The following ANKRD55 variants were observed in gnomAD, a reference collection of about 807,000 sequenced individuals.
ANKRD55 encodes the protein ankyrin repeat domain 55, also known as ankyrin repeat domain-containing protein 55.
ANKRD55 carries 41 observed loss-of-function variants against 60.6 expected under a neutral mutation model. The ratio of observed to expected loss-of-function variants is 0.68; its 90% CI spans 0.53 to 0.88. The LOEUF is 0.88. ANKRD55 is among the 40% of genes least tolerant of loss of function. The pLI, the probability that ANKRD55 is intolerant of heterozygous loss-of-function variation, is 0.00. For synonymous variants in ANKRD55, 264 were observed against 290.3 expected, an observed-to-expected ratio of 0.91 and a Z score of 0.92; for missense variants, 732 against 767.6, an observed-to-expected ratio of 0.95 and a Z score of 0.55.
chr5:56,178,689 A>G (rs1323107433), intron 3 of ANKRD55, among the ~76,000 whole-genome samples: 1 of 152,156 alleles, frequency 6.6e-6, no homozygotes, highest in Non-Finnish European at 1.5e-5. Context: ...GATAAGAAGT[A>G]TAAAACTTAC....
intron 2 of ANKRD55, among the ~76,000 whole-genome samples, chr5:56,191,805 G>T (rs527478422): frequency 6.6e-6 from 1 of 152,304 alleles, no homozygotes; most frequent in East Asian, 1.9e-4. Context: ...CTAAACCACA[G>T]CACAACAAGG....
intron 2 of ANKRD55, among the ~76,000 whole-genome samples, chr5:56,230,130 T>C (rs1422342594): frequency 6.6e-6 from 1 of 152,172 alleles, no homozygotes; most frequent in Non-Finnish European, 1.5e-5. Flanking sequence ...AGAGTCTTGC[T>C]CTGTCGCCAG....
intron 8 of ANKRD55, 43 bp downstream of exon 8, chr5:56,126,879 G>C: frequency 6.4e-7 from 1 of 1,560,046 alleles, no homozygotes; most frequent in South Asian, 1.2e-5. Flanking sequence ...TCAGTTAGGG[G>C]GAAATGACTA....
At chr5:56,167,921 C>T (rs1469531908) in intron 5 of ANKRD55, among the ~76,000 whole-genome samples, 2 of 152,202 alleles carry the variant, frequency 1.3e-5, no homozygotes, top group African/African-American at 4.8e-5. Context: ...GAGAATGAAC[C>T]TAATCAACTG....
intron 9 of ANKRD55, among the ~76,000 whole-genome samples, chr5:56,112,511 A>AAAAAAAAAACAACAAAAAAAAAAC (rs61268045): frequency 1.2e-5 from 1 of 81,528 alleles, no homozygotes; most frequent in African/African-American, 5.4e-5. Context: ...TAGCAAAAAA[A>AAAAAAAAAACAACAAAAAAAAAAC]AAAAAAAAAA....
chr5:56,120,645 A>G (rs1320452340), intron 8 of ANKRD55, among the ~76,000 whole-genome samples: 1 of 152,116 alleles, frequency 6.6e-6, no homozygotes, highest in Admixed American at 6.5e-5. Flanking sequence ...CACACCTGTA[A>G]TCCCACCACT....
At chr5:56,129,493 G>C (rs1757354491) in intron 7 of ANKRD55, among the ~76,000 whole-genome samples, 1 of 152,074 alleles carries the variant, frequency 6.6e-6, no homozygotes, top group Non-Finnish European at 1.5e-5. Context: ...CTCTTTACCT[G>C]TCATGAGTGG....
intron 10 of ANKRD55, among the ~76,000 whole-genome samples, chr5:56,105,689 G>T (rs190163070): frequency 2.0e-4 from 30 of 152,268 alleles, no homozygotes; most frequent in Admixed American, 2.0e-3. Context: ...GTCTGACCAT[G>T]CCGTGAGGGC....
intron 5 of ANKRD55, among the ~76,000 whole-genome samples, chr5:56,163,790 T>C (rs1257980460): frequency 2.0e-5 from 3 of 152,202 alleles, no homozygotes; most frequent in Non-Finnish European, 4.4e-5. Flanking sequence ...TTACATGCCA[T>C]AATAAAGTTT....
intron 10 of ANKRD55, among the ~76,000 whole-genome samples, chr5:56,105,726 C>A (rs537867293): frequency 2.0e-5 from 3 of 152,218 alleles, no homozygotes; most frequent in East Asian, 1.9e-4. Flanking sequence ...AGAACCCTGG[C>A]CTTTGTCCTG....
At chr5:56,199,629 G>T (rs769688723) in intron 2 of ANKRD55, among the ~76,000 whole-genome samples, 1 of 151,154 alleles carries the variant, frequency 6.6e-6, no homozygotes, top group East Asian at 1.9e-4. Context: ...GGTGGCTCAC[G>T]CCTGTAATCC....
intron 2 of ANKRD55, among the ~76,000 whole-genome samples, chr5:56,189,310 CAAAAAA>C (rs201026805): frequency 3.3e-5 from 3 of 89,700 alleles, no homozygotes; most frequent in Non-Finnish European, 6.8e-5. Context: ...GACTCTGTCT[CAAAAAA>C]AAAAAAAAAA....
rs181615384 is a variant in ANKRD55 at position 56,141,763 on chromosome 5, A to C, written c.612+2038T>G. Among the ~76,000 whole-genome samples the C allele has an allele frequency of 1.9e-3, 294 of 152,340 alleles. 1 individual carries two copies. Among genetic ancestry groups the C allele is most frequent in the African/African-American group, 5.1e-3 (212 of 41,590 alleles). On this transcript the variant is annotated intron_variant, in intron 7 of 11. Transcript: ENST00000341048. ...AAAAAAAGAGAAAGAATATGAAGGC[A>C]TGGGTATAATAACTAAGTTTCCTGT...
chr5:56,219,109 C>G (rs1417603246), intron 2 of ANKRD55, among the ~76,000 whole-genome samples: 3 of 151,648 alleles, frequency 2.0e-5, no homozygotes, highest in Non-Finnish European at 1.5e-5. Context: ...CCTGTCTCCA[C>G]TAAAAATACA....
chr5:56,102,354 G>T (rs529733799), intron 11 of ANKRD55, 140 bp downstream of exon 11: 17 of 499,328 alleles, frequency 3.4e-5, no homozygotes, highest in Non-Finnish European at 5.5e-5. Context: ...CATGTTCATT[G>T]CACTCTAGCC....
intron 2 of ANKRD55, among the ~76,000 whole-genome samples, chr5:56,207,823 T>C (rs1759550947): frequency 6.6e-6 from 1 of 152,218 alleles, no homozygotes; most frequent in African/African-American, 2.4e-5. Context: ...GTAGACTTTA[T>C]AAACACTGCA....
chr5:56,231,374 G>A (rs1300947551), intron 2 of ANKRD55, among the ~76,000 whole-genome samples: 1 of 152,198 alleles, frequency 6.6e-6, no homozygotes, highest in Non-Finnish European at 1.5e-5. Context: ...ACTGGAACAT[G>A]TAAATTCATT....
intron 9 of ANKRD55, among the ~76,000 whole-genome samples, chr5:56,116,344 G>A (rs1756886295): frequency 6.6e-6 from 1 of 152,156 alleles, no homozygotes; most frequent in Non-Finnish European, 1.5e-5. Flanking sequence ...GAGAGAAAAG[G>A]AAAGAAGAGA....
chr5:56,143,358 T>G (rs1757818140), intron 7 of ANKRD55, among the ~76,000 whole-genome samples: 1 of 152,180 alleles, frequency 6.6e-6, no homozygotes, highest in South Asian at 2.1e-4. Context: ...CTCCCTTATG[T>G]GATAGTGATG....
Sources: allele counts gnomAD v4.1 joint callset (sites outside exome capture counted in the v4.1 genomes callset), GRCh38; gene constraint gnomAD v4.1.1; transcripts MANE v1.5; gene names NCBI Gene and HGNC (gene_info 2026-07-23, HGNC 2026-07-21).